CWF19L1: variants seen among roughly 807,000 people sequenced by gnomAD.
The protein encoded by CWF19L1 is CWF19-like protein 1.
In CWF19L1, 60 loss-of-function variants were observed where a neutral mutation model predicts 69.7. That is an observed-to-expected ratio of 0.86 (90% CI 0.70 to 1.07). The LOEUF (loss-of-function observed/expected upper bound fraction) is 1.07, where lower values mean the gene tolerates loss of function less well. Among genes scored for constraint, CWF19L1 ranks in the 50% least tolerant of loss-of-function variants. The probability of loss-of-function intolerance (pLI) is 0.00; values close to 1 mark genes in which losing one functional copy is unlikely to be tolerated. For missense variants in CWF19L1, 591 were observed against 638.9 expected (o/e 0.92, Z 0.81); for synonymous variants, 209 against 222.2 (o/e 0.94, Z 0.53).
intron 1 of CWF19L1, among the ~76,000 whole-genome samples, chr10:100,263,973 T>C (rs574594381): frequency 6.6e-6 from 1 of 152,340 alleles, no homozygotes; most frequent in African/African-American, 2.4e-5. Context: ...AAGACAAGAA[T>C]ACAGTTACGT....
At position 100,243,736 on chromosome 10, in the gene CWF19L1, C is replaced by T. The variant is rs961273254; in HGVS notation, c.1006G>A (p.Glu336Lys). 2 of 1,614,190 alleles carry T rather than the reference C, an allele frequency of 1.2e-6. No individual in the cohort carries two copies. The highest frequency in any genetic ancestry group is 1.7e-6 in the Non-Finnish European group (2 of 1,180,010). Residue 336 changes from glutamate to lysine, a missense_variant, in exon 10 of 14, where the codon GAA (glutamate) becomes AAA (lysine). This residue lies in a region of CWF19L1 where 458 missense variants were observed against 489.3 expected (regional missense o/e 0.94). Coordinates refer to ENST00000354105, the MANE Select transcript of CWF19L1 (RefSeq NM_018294.6). ...TTGACCACCAAATGTTTTTCCACTT[C>T]AGGGCTAGCAAGGCAAAACCAGCAG... The part of the protein sequence containing the change: ...GPCWFCLASP[E>K]VEKHLVVNIG...
chr10:100,265,407 TCTTA>T (rs1020497537), intron 1 of CWF19L1, among the ~76,000 whole-genome samples: 1 of 151,740 alleles, frequency 6.6e-6, no homozygotes. Context: ...TTCACTCACC[TCTTA>T]CTAACTCACT....
At chr10:100,238,399 G>A (rs75466787) in intron 10 of CWF19L1, among the ~76,000 whole-genome samples, 168 bp from the exon 11 acceptor site, 23 of 152,336 alleles carry the variant, frequency 1.5e-4, no homozygotes, top group African/African-American at 5.5e-4. Context: ...TAGCAACAAT[G>A]TTCTCAGGTA....
chr10:100,243,731 C>T lies in CWF19L1; in HGVS notation c.1011G>A (p.Val337=). 6.2e-7 allele frequency: 1 copy of T among 1,614,154 alleles called. No homozygotes were observed. Among genetic ancestry groups the T allele is most frequent in the Non-Finnish European group, 8.5e-7 (1 of 1,179,998 alleles). ...PCWFCLASPE[V]EKHLVVNIGT... ...CGATGTTGACCACCAAATGTTTTTC[C>T]ACTTCAGGGCTAGCAAGGCAAAACC... Residue 337 remains valine (V), a synonymous_variant, in exon 10 of 14, where the codon GTG becomes GTA. Transcript: ENST00000354105.
chr10:100,264,342 G>A (rs1224211883), intron 1 of CWF19L1, among the ~76,000 whole-genome samples: 2 of 151,918 alleles, frequency 1.3e-5, no homozygotes, highest in Non-Finnish European at 2.9e-5. Flanking sequence ...TCAGGAGCTC[G>A]AGACCATCCT....
intron 10 of CWF19L1, among the ~76,000 whole-genome samples, chr10:100,240,487 CAT>C (rs1846602737): frequency 6.6e-6 from 1 of 151,932 alleles, no homozygotes; most frequent in African/African-American, 2.4e-5. Context: ...CTGAAATACT[CAT>C]GTGGCCTACT....
rs1477874723 is a variant in CWF19L1 at position 100,267,435 on chromosome 10, C to T, written c.23+136G>A. ...AGCCCCGGCCAGGCAAAGACATCAC[C>T]TAAGCTCCCCAGCAGCCCCGTGTCT... On this transcript the variant is annotated intron_variant, in intron 1 of 13. Coordinates refer to ENST00000354105, the MANE Select transcript of CWF19L1 (RefSeq NM_018294.6). The T allele has an allele frequency of 1.1e-5, 17 of 1,572,554 alleles. No homozygotes were observed. The East Asian group carries it at 3.6e-4, about 34-fold the overall frequency.
chr10:100,264,672 A>G (rs957601340), intron 1 of CWF19L1, among the ~76,000 whole-genome samples: 2 of 151,818 alleles, frequency 1.3e-5, no homozygotes, highest in African/African-American at 4.8e-5. Context: ...GAAGTATTCC[A>G]GAGGGCACTG....
At chr10:100,246,177 T>G in intron 8 of CWF19L1, 1 of 364,332 alleles carries the variant, frequency 2.7e-6, no homozygotes, top group Admixed American at 4.0e-5. Context: ...AATTCTTGCC[T>G]AAAGCAGAAC....
intron 1 of CWF19L1, among the ~76,000 whole-genome samples, chr10:100,263,776 G>T (rs1201966105): frequency 6.6e-6 from 1 of 152,166 alleles, no homozygotes; most frequent in African/African-American, 2.4e-5. Flanking sequence ...CACAAGCCTT[G>T]TTGATTTTAC....
chr10:100,241,000 CTTTTTTT>C (rs56262807), intron 10 of CWF19L1, among the ~76,000 whole-genome samples: 16 of 70,606 alleles, frequency 2.3e-4, no homozygotes, highest in African/African-American at 9.6e-4. Flanking sequence ...CTAATTAAGC[CTTTTTTT>C]TTTTTTTTTT....
At chr10:100,250,354 A>G in intron 6 of CWF19L1, 22 bp from the exon 7 acceptor site, 2 of 1,490,026 alleles carry the variant, frequency 1.3e-6, no homozygotes, top group South Asian at 2.3e-5. Context: ...TTGAGAGACA[A>G]AAAATTGCAA....
chr10:100,248,654 A>T, intron 7 of CWF19L1: 1 of 827,116 alleles, frequency 1.2e-6, no homozygotes, highest in Non-Finnish European at 2.1e-6. Flanking sequence ...GTGGTGGCTC[A>T]CTTTGATGCT....
chr10:100,233,417 A>C (rs1380486229), intron 13 of CWF19L1, 46 bp from the exon 14 acceptor site: 12 of 1,588,796 alleles, frequency 7.6e-6, no homozygotes, highest in Non-Finnish European at 9.4e-6. Flanking sequence ...TATCAGCCTG[A>C]GCTCTCCTCA....
intron 7 of CWF19L1, chr10:100,248,341 T>C (rs537985479): frequency 1.1e-5 from 11 of 1,046,766 alleles, no homozygotes; most frequent in African/African-American, 4.6e-5. Context: ...AACTCTGCCC[T>C]ATATAATGTG....
chr10:100,249,226 C>T lies in CWF19L1; in HGVS notation c.708+1022G>A, dbSNP rs766006369. The stretch of plus-strand genomic sequence containing the variant: ...AATAAAGGCAAAATCACTTCAGATC[C>T]GCCCCCTCCCCCAAAAAAAGCTTGA... On this transcript the variant is annotated intron_variant, in intron 7 of 13. Transcript: ENST00000354105. 8.1e-5 allele frequency: 20 copies of T among 245,506 alleles called. No individual in the cohort carries two copies. In the Admixed American group the frequency reaches 8.5e-4, roughly 10 times the overall value. 15.2% of individuals were successfully genotyped at this position (245,506 alleles called of 1,614,324 possible).
chr10:100,267,598 C>T lies in CWF19L1; in HGVS notation c.-5G>A, dbSNP rs768027750. On this transcript the variant is annotated 5_prime_UTR_variant, in exon 1 of 14. Transcript: ENST00000354105. ...GCGCAGCGGTTTCTGTGCCATCTGT[C>T]CGAATAGTATGGGTTGCGACTGCCA... The T allele has an allele frequency of 5.6e-6, 9 of 1,614,198 alleles. No homozygotes were observed. In the South Asian group the frequency reaches 9.9e-5, roughly 18 times the overall value.
intron 10 of CWF19L1, among the ~76,000 whole-genome samples, chr10:100,239,102 C>G (rs1846554233): frequency 2.0e-5 from 3 of 147,932 alleles, no homozygotes; most frequent in African/African-American, 7.5e-5. Context: ...AAAACAAAAG[C>G]AAACATACAA....
chr10:100,249,874 C>A (rs943696411), intron 7 of CWF19L1, among the ~76,000 whole-genome samples: 7 of 152,206 alleles, frequency 4.6e-5, no homozygotes, highest in Admixed American at 3.3e-4. Context: ...GCGTGGGCCA[C>A]CATGCCCAGC....
Sources: gnomAD v4.1 joint callset for allele counts (sites outside exome capture counted in the v4.1 genomes callset) on GRCh38, gnomAD v4.1.1 for gene constraint, gnomAD v4.1.1 regional missense constraint, MANE v1.5 for transcripts, NCBI Gene and HGNC (gene_info 2026-07-23, HGNC 2026-07-21) for gene names.